The following TRAPPC9 variants were observed in gnomAD, a reference collection of about 807,000 sequenced individuals.
TRAPPC9 encodes the protein IKK2 binding protein.
TRAPPC9 carries 83 observed loss-of-function variants against 124.0 expected under a neutral mutation model. That is an observed-to-expected ratio of 0.67 (90% CI 0.56 to 0.80). The LOEUF (loss-of-function observed/expected upper bound fraction) is 0.80. TRAPPC9 is among the 30% of genes least tolerant of loss of function. The pLI is 0.00. For synonymous variants in TRAPPC9, 638 were observed against 617.5 expected (o/e 1.03, Z -0.49); for missense variants, 1,302 against 1,508.3 (o/e 0.86, Z 2.27).
At chr8:140,135,135 G>A (rs763968958) in intron 17 of TRAPPC9, among the ~76,000 whole-genome samples, 27 of 152,182 alleles carry the variant, frequency 1.8e-4, no homozygotes, top group Admixed American at 1.2e-3. Context: ...CCACCTAGTA[G>A]CATGGCAGTA....
In TRAPPC9 at chr8:139,885,426, G is replaced by A. The variant is rs1407321053; in HGVS notation, c.3055+453C>T. Among the ~76,000 whole-genome samples the A allele has an allele frequency of 5.3e-5, 8 of 152,298 alleles. No homozygotes were observed. In the East Asian group the frequency reaches 1.2e-3, roughly 22 times the overall value. On this transcript the variant is annotated intron_variant, in intron 21 of 22. Transcript: ENST00000438773. Reference sequence around the variant, plus strand: ...CATGAAAAGCTGTCCATGCATAGTCGTGGTGAGTGGGGTGAACGCAAGGGG... The same window carrying A: ...CATGAAAAGCTGTCCATGCATAGTCATGGTGAGTGGGGTGAACGCAAGGGG...
intron 17 of TRAPPC9, among the ~76,000 whole-genome samples, chr8:140,125,857 A>G (rs1291350364): frequency 6.6e-6 from 1 of 151,940 alleles, no homozygotes; most frequent in African/African-American, 2.4e-5. Context: ...ATCTCCTTTG[A>G]GCCAAGTGCC....
chr8:140,393,102 G>T (rs774301992), intron 7 of TRAPPC9, among the ~76,000 whole-genome samples: 22 of 116,180 alleles, frequency 1.9e-4, no homozygotes, highest in Admixed American at 8.7e-4. Flanking sequence ...ATGGAGTTTT[G>T]CTCTTGTCAC....
chr8:139,922,047 G>A (rs1221016431), intron 19 of TRAPPC9, among the ~76,000 whole-genome samples: 1 of 152,222 alleles, frequency 6.6e-6, no homozygotes, highest in Non-Finnish European at 1.5e-5. Context: ...AAGCAAGGTA[G>A]CACAGAGAAG....
intron 16 of TRAPPC9, among the ~76,000 whole-genome samples, chr8:140,229,805 G>T (rs1351763205): frequency 6.6e-6 from 1 of 151,914 alleles, no homozygotes; most frequent in African/African-American, 2.4e-5. Context: ...TGATCCACCA[G>T]CCTTGGCCTC....
intron 21 of TRAPPC9, among the ~76,000 whole-genome samples, chr8:139,781,292 T>C (rs1184891773): frequency 1.3e-5 from 2 of 152,166 alleles, no homozygotes; most frequent in Non-Finnish European, 2.9e-5. Flanking sequence ...GGATAAACTG[T>C]ACTTATAGAC....
chr8:140,161,455 T>A, intron 17 of TRAPPC9, among the ~76,000 whole-genome samples: 1 of 151,896 alleles, frequency 6.6e-6, no homozygotes, highest in East Asian at 1.9e-4. Flanking sequence ...ATATACGTAA[T>A]GAGCTATCTT....
intron 19 of TRAPPC9, among the ~76,000 whole-genome samples, chr8:139,971,165 C>T (rs1836041433): frequency 6.6e-6 from 1 of 152,110 alleles, no homozygotes; most frequent in South Asian, 2.1e-4. Context: ...CCAGGCACTT[C>T]CCAAAAGGCC....
rs1349211507 is a variant in TRAPPC9 at position 139,910,131 on chromosome 8, C to T, written c.2964+16G>A. The T allele has an allele frequency of 1.2e-6, 2 of 1,613,972 alleles. No individual in the cohort carries two copies. The highest frequency in any genetic ancestry group is 1.7e-4 in the Middle Eastern group (1 of 6,060). On this transcript the variant is annotated intron_variant, in intron 20 of 22. Coordinates refer to ENST00000438773, the MANE Select transcript of TRAPPC9 (RefSeq NM_001160372.4). ...AAAGGTGCCCCCAGGCCCAGGTGGCCCCTGGAAAAGGATATGATTCTCCAG... is the reference window on the plus strand; with the variant it reads ...AAAGGTGCCCCCAGGCCCAGGTGGCTCCTGGAAAAGGATATGATTCTCCAG...
intron 19 of TRAPPC9, among the ~76,000 whole-genome samples, chr8:139,919,120 T>C (rs1303390266): frequency 2.0e-5 from 3 of 152,224 alleles, no homozygotes; most frequent in Admixed American, 6.5e-5. Context: ...CCCGGGCTAG[T>C]GTCCCGGCTG....
chr8:139,977,853 G>A (rs921292023), intron 19 of TRAPPC9, among the ~76,000 whole-genome samples: 1 of 151,258 alleles, frequency 6.6e-6, no homozygotes. Context: ...GCTAATTTTT[G>A]TATCTTTAGT....
At chr8:140,136,349 C>T (rs1340418942) in intron 17 of TRAPPC9, among the ~76,000 whole-genome samples, 2 of 152,148 alleles carry the variant, frequency 1.3e-5, no homozygotes, top group Admixed American at 1.3e-4. Flanking sequence ...GGCACGAGGC[C>T]CGGCTGCCTG....
At position 140,426,630 on chromosome 8, in the gene TRAPPC9, C is replaced by T. The variant is rs776219631; in HGVS notation, c.871G>A (p.Val291Ile). The change falls in exon 5 of 23, where the codon GTT (valine) becomes ATT (isoleucine). Residue 291 changes from valine to isoleucine, a missense_variant. By Grantham distance (29) the Val-to-Ile change is conservative. Coordinates refer to ENST00000438773, the MANE Select transcript of TRAPPC9 (RefSeq NM_001160372.4). ...ANRHRPGAQE[V>I]LIDPGALTTN... The stretch of plus-strand genomic sequence containing the variant: ...GATCATGTACCTGGATCAATGAGAA[C>T]TTCCTGTGCCCCTGGAAGAAAGAAC... 28 of 1,613,762 alleles carry T rather than the reference C, an allele frequency of 1.7e-5. No homozygotes were observed. The highest frequency in any genetic ancestry group is 2.4e-5 in the Non-Finnish European group (28 of 1,179,898).
intron 21 of TRAPPC9, among the ~76,000 whole-genome samples, chr8:139,842,679 C>T (rs1057491805): frequency 1.1e-4 from 14 of 128,184 alleles, no homozygotes; most frequent in African/African-American, 3.5e-4. Flanking sequence ...GGGGAGGGGG[C>T]GGGCCTGTGG....
At chr8:139,833,120 C>CT (rs1826098531) in intron 21 of TRAPPC9, among the ~76,000 whole-genome samples, 1 of 152,140 alleles carries the variant, frequency 6.6e-6, no homozygotes, top group Non-Finnish European at 1.5e-5. Context: ...GGCCTCGGTC[C>CT]TACAGCCACA....
At chr8:140,385,456 T>C (rs1158069897) in intron 7 of TRAPPC9, among the ~76,000 whole-genome samples, 2 of 151,980 alleles carry the variant, frequency 1.3e-5, no homozygotes, top group African/African-American at 2.4e-5. Flanking sequence ...AAGAATCAAA[T>C]AGACGAAATA....
intron 17 of TRAPPC9, among the ~76,000 whole-genome samples, chr8:140,062,060 T>C (rs1396352603): frequency 6.6e-6 from 1 of 152,092 alleles, no homozygotes; most frequent in Non-Finnish European, 1.5e-5. Flanking sequence ...GCCAGGGGCC[T>C]CCCTGCAGTT....
intron 19 of TRAPPC9, among the ~76,000 whole-genome samples, chr8:139,957,334 C>A (rs1350358566): frequency 6.6e-6 from 1 of 152,192 alleles, no homozygotes; most frequent in Non-Finnish European, 1.5e-5. Context: ...GTGGGCGGCA[C>A]CTATCGGAGG....
At chr8:140,385,399 A>T (rs912941946) in intron 7 of TRAPPC9, among the ~76,000 whole-genome samples, 4 of 152,216 alleles carry the variant, frequency 2.6e-5, no homozygotes, top group African/African-American at 9.7e-5. Flanking sequence ...TGAAAAGATC[A>T]ACAAAATTGA....
Sources: allele counts gnomAD v4.1 joint callset (sites outside exome capture counted in the v4.1 genomes callset), GRCh38; gene constraint gnomAD v4.1.1; transcripts MANE v1.5; gene names NCBI Gene and HGNC (gene_info 2026-07-23, HGNC 2026-07-21).